Variants in NRG1 observed in about 807,000 individuals in gnomAD.
The protein encoded by NRG1 is pro-neuregulin-1, membrane-bound isoform.
Under a neutral mutation model 63.8 loss-of-function variants are expected in NRG1, and 18 were observed. The ratio of observed to expected loss-of-function variants is 0.28; its 90% CI spans 0.19 to 0.42. The LOEUF (loss-of-function observed/expected upper bound fraction) is 0.42, where lower values mean the gene tolerates loss of function less well. Among genes scored for constraint, NRG1 ranks in the 10% least tolerant of loss-of-function variants. The pLI is 1.00. For missense variants in NRG1, 762 were observed against 814.7 expected (o/e 0.94, Z 0.79); for synonymous variants, 302 against 301.3 (o/e 1.00, Z -0.02).
intron 5 of NRG1, among the ~76,000 whole-genome samples, chr8:32,709,608 G>T (rs1476448111): frequency 6.6e-6 from 1 of 151,762 alleles, no homozygotes; most frequent in African/African-American, 2.4e-5. Context: ...TAGAGATGGG[G>T]TCTGGTACTA....
rs186338641 is a variant in NRG1, at chr8:32,187,651, A to G, written c.38-408177A>G. Among the ~76,000 whole-genome samples the G allele has an allele frequency of 6.6e-5, 10 of 152,268 alleles. No homozygotes were observed. In the East Asian group the frequency reaches 1.9e-3, roughly 29 times the overall value. On this transcript the variant is annotated intron_variant, in intron 1 of 10. Coordinates refer to the NRG1 transcript ENST00000519301. ...ACTTAGGCTAAAGTCACTGCCGAAT[A>G]AGTCACTTCACTATCAAGAAAGAAG... is the stretch of plus-strand genomic sequence containing the variant.
At chr8:32,174,382 G>T (rs545350791) in intron 1 of NRG1, among the ~76,000 whole-genome samples, 43 of 152,070 alleles carry the variant, frequency 2.8e-4, no homozygotes, top group Admixed American at 2.6e-3. Context: ...GAGAAAGCAG[G>T]AAAGATCTAA....
At chr8:31,872,512 A>G (rs967157961) in intron 1 of NRG1, among the ~76,000 whole-genome samples, 2 of 152,208 alleles carry the variant, frequency 1.3e-5, no homozygotes, top group Non-Finnish European at 2.9e-5. Flanking sequence ...GCCCAGAGAA[A>G]GAGTTACTGT....
At chr8:32,532,621 T>C (rs1303261086) in intron 1 of NRG1, among the ~76,000 whole-genome samples, 1 of 152,076 alleles carries the variant, frequency 6.6e-6, no homozygotes, top group Non-Finnish European at 1.5e-5. Flanking sequence ...TTTTAGACAA[T>C]GATACTTTCA....
At chr8:32,192,446 G>A (rs1842584039) in intron 1 of NRG1, among the ~76,000 whole-genome samples, 1 of 152,128 alleles carries the variant, frequency 6.6e-6, no homozygotes. Flanking sequence ...GCAGCAACAT[G>A]AATGTAGTTA....
chr8:32,742,807 C>G lies in NRG1; in HGVS notation c.691+74C>G. ...TGGTGCTGCTTTCTTGTTGCTGCAT[C>G]TCCCCTCAGATTCCACCTAGAGCTA... On this transcript the variant is annotated intron_variant, in intron 7 of 11. Transcript: ENST00000356819. The surrounding 1 kb of genome is among the most constrained non-coding windows in gnomAD (Gnocchi z 4.2). The G allele has an allele frequency of 6.2e-7, 1 of 1,612,828 alleles. No individual in the cohort carries two copies. Among genetic ancestry groups the G allele is most frequent in the Non-Finnish European group, 8.5e-7 (1 of 1,179,154 alleles).
intron 1 of NRG1, among the ~76,000 whole-genome samples, chr8:31,706,058 G>T (rs1811118559): frequency 6.6e-6 from 1 of 152,054 alleles, no homozygotes; most frequent in South Asian, 2.1e-4. Context: ...GACCTTAAAT[G>T]GATTGCATGT....
intron 1 of NRG1, among the ~76,000 whole-genome samples, chr8:32,367,629 G>A (rs191774932): frequency 6.6e-6 from 1 of 152,026 alleles, no homozygotes; most frequent in Non-Finnish European, 1.5e-5. Context: ...TCCTCAGATT[G>A]TCTCTTCACT....
chr8:32,386,778 C>G (rs1049586899), intron 1 of NRG1, among the ~76,000 whole-genome samples: 2 of 152,178 alleles, frequency 1.3e-5, no homozygotes, highest in Non-Finnish European at 2.9e-5. Flanking sequence ...TTCTGTCTCT[C>G]CTTACTTTCA....
chr8:32,726,325 T>C (rs922121062), intron 5 of NRG1, among the ~76,000 whole-genome samples: 1 of 151,014 alleles, frequency 6.6e-6, no homozygotes, highest in Non-Finnish European at 1.5e-5. Context: ...TGAATGCCAA[T>C]TTTTTTTTGC....
At position 32,742,561 on chromosome 8, in the gene NRG1, G is replaced by T; in HGVS notation, c.633-114G>T. ...CAGGGCAAAGATTCAGTTCCTGAGG[G>T]TGAACTCACCAAGTTTCAGTCAAAT... On this transcript the variant is annotated intron_variant, in intron 6 of 11. Coordinates refer to ENST00000356819, the Ensembl canonical transcript of NRG1. The surrounding 1 kb of genome is among the most constrained non-coding windows in gnomAD (Gnocchi z 4.2). The T allele has an allele frequency of 1.1e-6, 1 of 920,950 alleles. No individual in the cohort carries two copies. Among genetic ancestry groups the T allele is most frequent in the Non-Finnish European group, 1.7e-6 (1 of 589,732 alleles). 57.0% of individuals were successfully genotyped at this position (920,950 alleles called of 1,614,324 possible). A position where few individuals can be genotyped will look rare whatever the true frequency, so the allele number is the denominator to read the frequency against.
chr8:31,780,326 G>A (rs1316659025), intron 1 of NRG1, among the ~76,000 whole-genome samples: 1 of 152,108 alleles, frequency 6.6e-6, no homozygotes, highest in Non-Finnish European at 1.5e-5. Context: ...TAGGCATGAA[G>A]CCACATTTTG....
chr8:31,761,230 C>T (rs1264860655), intron 1 of NRG1, among the ~76,000 whole-genome samples: 2 of 152,070 alleles, frequency 1.3e-5, no homozygotes, highest in East Asian at 3.9e-4. Flanking sequence ...CTTGTTCTCA[C>T]TCATAGATGG....
At chr8:32,455,992 C>T (rs1382898861) in intron 1 of NRG1, among the ~76,000 whole-genome samples, 2 of 152,126 alleles carry the variant, frequency 1.3e-5, no homozygotes, top group Admixed American at 1.3e-4. Context: ...CCATGGTGGC[C>T]ACGATGGTCT....
At chr8:32,046,339 G>A (rs7000808) in intron 1 of NRG1, among the ~76,000 whole-genome samples, 2,976 of 152,120 alleles carry the variant, frequency 0.02, 107 homozygotes, top group African/African-American at 0.068. Flanking sequence ...CTTCTTATAC[G>A]TTGATTATAG....
At chr8:31,944,104 A>G (rs1157878904) in intron 1 of NRG1, among the ~76,000 whole-genome samples, 1 of 152,166 alleles carries the variant, frequency 6.6e-6, no homozygotes, top group Non-Finnish European at 1.5e-5. Flanking sequence ...AATGACATTT[A>G]CTTTTTCTCC....
chr8:32,325,768 A>C (rs1322573917), intron 1 of NRG1, among the ~76,000 whole-genome samples: 1 of 152,210 alleles, frequency 6.6e-6, no homozygotes, highest in Non-Finnish European at 1.5e-5. Context: ...AAAAGGTTGA[A>C]TTAGGTGATA....
intron 5 of NRG1, among the ~76,000 whole-genome samples, chr8:32,690,364 C>T (rs1269108205): frequency 1.3e-5 from 2 of 152,024 alleles, no homozygotes; most frequent in Non-Finnish European, 2.9e-5. Context: ...AGCGACTCCT[C>T]CACTCACCCA....
chr8:32,474,933 C>G (rs1824322760), intron 1 of NRG1, among the ~76,000 whole-genome samples: 1 of 152,146 alleles, frequency 6.6e-6, no homozygotes, highest in Admixed American at 6.5e-5. Context: ...TTATGCAAAG[C>G]ACATAGGATC....
Sources: gnomAD v4.1 joint callset for allele counts (sites outside exome capture counted in the v4.1 genomes callset) on GRCh38, gnomAD v4.1.1 for gene constraint, Gnocchi (gnomAD v3.1) non-coding constraint, MANE v1.5 for transcripts, NCBI Gene and HGNC (gene_info 2026-07-23, HGNC 2026-07-21) for gene names.